The following BRAP variants were observed in gnomAD, a reference collection of about 807,000 sequenced individuals.
BRAP encodes the protein BRCA1 associated protein, also known as BRCA1-associated protein.
Under a neutral mutation model 73.4 loss-of-function variants are expected in BRAP, and 42 were observed. That is an observed-to-expected ratio of 0.57 (90% CI 0.45 to 0.74). BRAP has a LOEUF of 0.74. Ranked by LOEUF, BRAP falls within the 30% of genes least tolerant of loss-of-function variation. The probability of loss-of-function intolerance (pLI) is 0.00; values close to 1 mark genes in which losing one functional copy is unlikely to be tolerated. For missense variants in BRAP, 593 were observed against 751.4 expected (o/e 0.79, Z 2.46); for synonymous variants, 255 against 267.4 (o/e 0.95, Z 0.45).
chr12:111,682,932 T>G (rs917926034), intron 2 of BRAP, among the ~76,000 whole-genome samples: 4 of 151,806 alleles, frequency 2.6e-5, no homozygotes, highest in Non-Finnish European at 4.4e-5. Flanking sequence ...CCCCCGTCAC[T>G]GAACTGAATT....
At chr12:111,664,409 T>C (rs979446001) in intron 6 of BRAP, among the ~76,000 whole-genome samples, 3 of 152,144 alleles carry the variant, frequency 2.0e-5, no homozygotes, top group Non-Finnish European at 4.4e-5. Flanking sequence ...GGACTGAAGA[T>C]ACAGGTAAAC....
chr12:111,669,758 G>A (rs1887096615), intron 5 of BRAP: 1 of 321,156 alleles, frequency 3.1e-6, no homozygotes, highest in African/African-American at 2.2e-5. Context: ...AAAAAAAAGT[G>A]GCTCCAAAAA....
chr12:111,661,787 C>T (rs1215196245), intron 6 of BRAP, among the ~76,000 whole-genome samples: 1 of 151,114 alleles, frequency 6.6e-6, no homozygotes, highest in African/African-American at 2.4e-5. Context: ...TCTCAGCTCA[C>T]TGCAGCCTCT....
At chr12:111,644,932 T>C (rs2135889315) in intron 11 of BRAP, among the ~76,000 whole-genome samples, 1 of 151,700 alleles carries the variant, frequency 6.6e-6, no homozygotes, top group East Asian at 1.9e-4. Context: ...AATTTTTGTA[T>C]TTTGAGTAGA....
chr12:111,663,586 A>T (rs1357343797), intron 6 of BRAP, among the ~76,000 whole-genome samples: 9 of 152,186 alleles, frequency 5.9e-5, no homozygotes, highest in Non-Finnish European at 1.3e-4. Flanking sequence ...ATCTCTATCA[A>T]AAAGACCAAC....
rs776121507 is a variant in BRAP at position 111,683,258 on chromosome 12, A to C, written c.132T>G (p.Ala44=). ...GTGACTTGCCTTCTAAACAGGCTAC[A>C]GCTGAGGCTAGTGTCGTCTTTTTTA... ...EEIKKTTLAS[A]VACLEGKSPG... is the part of the protein sequence containing the mutation. The change falls in exon 2 of 12, where the codon GCT becomes GCG. Residue 44 remains alanine (A), a synonymous_variant. Coordinates refer to ENST00000419234, the MANE Select transcript of BRAP (RefSeq NM_006768.5). The C allele has an allele frequency of 2.5e-6, 4 of 1,614,072 alleles. No homozygotes were observed. Among genetic ancestry groups the C allele is most frequent in the Non-Finnish European group, 2.5e-6 (3 of 1,180,006 alleles).
At chr12:111,646,601 C>T (rs1365663761) in intron 11 of BRAP, among the ~76,000 whole-genome samples, 2 of 152,042 alleles carry the variant, frequency 1.3e-5, no homozygotes, top group African/African-American at 2.4e-5. Context: ...GGTGAAGCTC[C>T]GTTTCTACTA....
chr12:111,665,717 T>G lies in BRAP; in HGVS notation c.818A>C (p.Glu273Ala). Residue 273 changes from glutamate (E) to alanine (A), a missense_variant, in exon 6 of 12, where the codon GAG (glutamate) becomes GCG (alanine). Glu to Ala is a moderately radical substitution (Grantham distance 107, BLOSUM62 -1). Coordinates refer to ENST00000419234, the MANE Select transcript of BRAP (RefSeq NM_006768.5). This position sits in a 1 kb window ranked among gnomAD's most constrained non-coding sequence, Gnocchi z 4.3. The stretch of plus-strand genomic sequence containing the variant: ...CGTTGTGAGGATGCCATTCACAGAC[T>G]CGTCCATGCGCTCCAGACACACCGT... ...KCTVCLERMD[E>A]SVNGILTTLC... is the part of the protein sequence containing the mutation. 1 of 1,614,234 alleles carries G rather than the reference T, an allele frequency of 6.2e-7. No homozygotes were observed. Among genetic ancestry groups the G allele is most frequent in the Non-Finnish European group, 8.5e-7 (1 of 1,180,038 alleles).
chr12:111,669,522 G>A (rs1017315205), intron 5 of BRAP, among the ~76,000 whole-genome samples: 3 of 151,998 alleles, frequency 2.0e-5, no homozygotes, highest in Non-Finnish European at 2.9e-5. Context: ...CACCATGCCC[G>A]GCTTTGCTTC....
chr12:111,681,776 T>C lies in BRAP; in HGVS notation c.304A>G (p.Arg102Gly). 1 of 1,614,062 alleles carries C rather than the reference T, an allele frequency of 6.2e-7. No individual in the cohort carries two copies. The highest frequency in any genetic ancestry group is 2.2e-5 in the East Asian group (1 of 44,872). The stretch of plus-strand genomic sequence containing the variant: ...CATTCCTTACTGTGATCTTTACTTC[T>C]TTGCGCAGTGGGGGAGGCTTCTGAA... ...KSSEASPTAQ[R>G]SKDHSKECIN... Residue 102 changes from arginine to glycine, a missense_variant, in exon 3 of 12, where the codon AGA becomes GGA. Physicochemically the swap from Arg to Gly is moderately radical, Grantham distance 125. Transcript: ENST00000419234.
At chr12:111,681,388 A>C (rs539242922) in intron 3 of BRAP, among the ~76,000 whole-genome samples, 17 of 152,096 alleles carry the variant, frequency 1.1e-4, no homozygotes, top group African/African-American at 3.4e-4. Flanking sequence ...AAAAAAGAAA[A>C]CATTTTTCCC....
chr12:111,666,379 A>G (rs535490979), intron 5 of BRAP, among the ~76,000 whole-genome samples: 37 of 152,352 alleles, frequency 2.4e-4, no homozygotes, highest in African/African-American at 8.7e-4. Context: ...CCATAGAGTA[A>G]GTTATAACTT....
intron 3 of BRAP, among the ~76,000 whole-genome samples, chr12:111,680,808 T>G (rs1887572849): frequency 6.6e-6 from 1 of 152,250 alleles, no homozygotes; most frequent in Admixed American, 6.5e-5. Context: ...AAGAACAGCC[T>G]TAAGGTATCA....
At chr12:111,681,568 T>C in intron 3 of BRAP, 69 bp downstream of exon 3, 1 of 1,298,196 alleles carries the variant, frequency 7.7e-7, no homozygotes, top group Non-Finnish European at 1.1e-6. Flanking sequence ...GACAAGAGAC[T>C]ATGCTAAAGC....
intron 3 of BRAP, among the ~76,000 whole-genome samples, chr12:111,680,293 C>T (rs1455668933): frequency 6.6e-6 from 1 of 151,942 alleles, no homozygotes; most frequent in Non-Finnish European, 1.5e-5. Context: ...CTGAGGATTA[C>T]AGGAAGTGTT....
intron 11 of BRAP, among the ~76,000 whole-genome samples, chr12:111,645,510 T>C (rs1886078083): frequency 6.6e-6 from 1 of 152,170 alleles, no homozygotes; most frequent in Non-Finnish European, 1.5e-5. Flanking sequence ...ATGATAGCTG[T>C]GATAAGGAAG....
intron 1 of BRAP, among the ~76,000 whole-genome samples, chr12:111,684,825 C>T (rs890574328): frequency 1.3e-5 from 2 of 152,126 alleles, no homozygotes; most frequent in African/African-American, 4.8e-5. Flanking sequence ...CCTGTCACCA[C>T]GCCCAGCTAA....
At chr12:111,662,291 C>T (rs1323077807) in intron 6 of BRAP, among the ~76,000 whole-genome samples, 1 of 152,182 alleles carries the variant, frequency 6.6e-6, no homozygotes, top group Non-Finnish European at 1.5e-5. Context: ...TGGCTCACAC[C>T]TGTAATCCCA....
chr12:111,660,063 T>C (rs551104060), intron 7 of BRAP, among the ~76,000 whole-genome samples: 1 of 150,076 alleles, frequency 6.7e-6, no homozygotes, highest in Non-Finnish European at 1.5e-5. Context: ...AACAGAATGA[T>C]ACCCTGTCTC....
Sources: allele counts gnomAD v4.1 joint callset (sites outside exome capture counted in the v4.1 genomes callset), GRCh38; gene constraint gnomAD v4.1.1; non-coding constraint Gnocchi (gnomAD v3.1); transcripts MANE v1.5; gene names NCBI Gene and HGNC (gene_info 2026-07-23, HGNC 2026-07-21).